SOX6: variants seen among roughly 807,000 people sequenced by gnomAD.
SOX6 encodes SRY-box transcription factor 6, also known as transcription factor SOX-6.
In SOX6, 11 loss-of-function variants were observed where a neutral mutation model predicts 97.8. The observed-to-expected ratio is 0.11, with a 90% CI of 0.07 to 0.19. SOX6 has a LOEUF of 0.19. Ranked by LOEUF, SOX6 falls within the 10% of genes least tolerant of loss-of-function variation. The pLI, the probability that SOX6 is intolerant of heterozygous loss-of-function variation, is 1.00. For synonymous variants in SOX6, 360 were observed against 371.4 expected (o/e 0.97, Z 0.35); for missense variants, 810 against 1,039.5 (o/e 0.78, Z 3.04).
At chr11:16,466,649 G>A (rs1317889980) in intron 1 of SOX6, among the ~76,000 whole-genome samples, 1 of 150,762 alleles carries the variant, frequency 6.6e-6, no homozygotes, top group African/African-American at 2.4e-5. Flanking sequence ...AAACAACTCC[G>A]GCCGGGCGCG....
At chr11:16,082,045 T>C (rs1441563619) in intron 9 of SOX6, among the ~76,000 whole-genome samples, 10 of 152,164 alleles carry the variant, frequency 6.6e-5, no homozygotes, top group Non-Finnish European at 1.5e-4. Context: ...TTTTATTCCT[T>C]TTTAAAACAG....
At chr11:16,642,383 C>A (rs1848932057) in intron 3 of SOX6, among the ~76,000 whole-genome samples, 1 of 152,064 alleles carries the variant, frequency 6.6e-6, no homozygotes, top group African/African-American at 2.4e-5. Context: ...GTGAATCTGA[C>A]AATTATGTGT....
intron 4 of SOX6, among the ~76,000 whole-genome samples, chr11:16,542,297 C>T (rs1374223758): frequency 1.3e-5 from 2 of 152,070 alleles, no homozygotes; most frequent in African/African-American, 4.8e-5. Flanking sequence ...GGGAACATCA[C>T]ACACTGGGGC....
intron 2 of SOX6, among the ~76,000 whole-genome samples, chr11:16,731,829 C>T (rs1051994423): frequency 6.6e-6 from 1 of 152,132 alleles, no homozygotes; most frequent in African/African-American, 2.4e-5. Flanking sequence ...AACATGATTG[C>T]ATATTTTGAA....
intron 9 of SOX6, among the ~76,000 whole-genome samples, chr11:16,065,545 T>C (rs2133935195): frequency 6.6e-6 from 1 of 152,082 alleles, no homozygotes; most frequent in Non-Finnish European, 1.5e-5. Flanking sequence ...AGCATAGTAC[T>C]GGCATAAAAA....
intron 7 of SOX6, among the ~76,000 whole-genome samples, chr11:16,101,280 A>G (rs1038916259): frequency 6.6e-6 from 1 of 151,662 alleles, no homozygotes; most frequent in Non-Finnish European, 1.5e-5. Context: ...GCGAAACCAC[A>G]CTGTAGTAAA....
chr11:16,722,198 C>T (rs1848272156), intron 2 of SOX6, among the ~76,000 whole-genome samples: 1 of 151,946 alleles, frequency 6.6e-6, no homozygotes, highest in Non-Finnish European at 1.5e-5. Flanking sequence ...AAATTCTACA[C>T]AGCGAAAAAA....
At chr11:16,080,692 G>A (rs1848454324) in intron 9 of SOX6, among the ~76,000 whole-genome samples, 1 of 152,140 alleles carries the variant, frequency 6.6e-6, no homozygotes, top group Non-Finnish European at 1.5e-5. Context: ...AAGATATGCT[G>A]TCTCACAGCA....
chr11:16,718,171 T>C (rs982839460), intron 2 of SOX6, among the ~76,000 whole-genome samples: 7 of 151,982 alleles, frequency 4.6e-5, no homozygotes, highest in Non-Finnish European at 1.0e-4. Flanking sequence ...ATTTCCTTTG[T>C]AGTCTTGAGT....
intron 6 of SOX6, among the ~76,000 whole-genome samples, chr11:16,176,622 T>C (rs1308403588): frequency 6.6e-6 from 1 of 151,930 alleles, no homozygotes; most frequent in East Asian, 1.9e-4. Context: ...TCTTGCCTTG[T>C]AGGTATATAC....
rs988469662 is a variant in SOX6 at position 16,610,765 on chromosome 11, G to A, written n.609+1316C>T. On this transcript the variant is annotated intron_variant and non_coding_transcript_variant, in intron 4 of 5. Coordinates refer to the SOX6 transcript ENST00000524520. The surrounding 1 kb of genome is among the most constrained non-coding windows in gnomAD (Gnocchi z 4.4). Reference sequence around the variant, plus strand: ...ATCTAAGGGTTTCCTCTAAAGCCTCGGGCGCTGGCTATACCAATGAAGAGG... The same window carrying A: ...ATCTAAGGGTTTCCTCTAAAGCCTCAGGCGCTGGCTATACCAATGAAGAGG... Among the ~76,000 whole-genome samples, 4 of 152,140 alleles carry A rather than the reference G, an allele frequency of 2.6e-5. No individual in the cohort carries two copies. The highest frequency in any genetic ancestry group is 7.2e-5 in the African/African-American group (3 of 41,424).
chr11:16,515,369 C>A (rs201580791), intron 4 of SOX6, among the ~76,000 whole-genome samples: 14 of 144,394 alleles, frequency 9.7e-5, no homozygotes, highest in East Asian at 2.0e-4. Context: ...CTGTTCATGT[C>A]CTTTGCCCAC....
At chr11:16,433,115 A>G (rs1189636176) in intron 1 of SOX6, among the ~76,000 whole-genome samples, 1 of 152,084 alleles carries the variant, frequency 6.6e-6, no homozygotes, top group East Asian at 1.9e-4. Context: ...TAGACTAACC[A>G]AAAACTTTAG....
chr11:16,044,436 T>G (rs748496464), intron 12 of SOX6, among the ~76,000 whole-genome samples: 6 of 152,168 alleles, frequency 3.9e-5, no homozygotes, highest in Non-Finnish European at 5.9e-5. Context: ...CATAATTCAT[T>G]TTCCAGTTTA....
At chr11:16,060,396 C>T (rs368466404) in intron 9 of SOX6, among the ~76,000 whole-genome samples, 1 of 151,806 alleles carries the variant, frequency 6.6e-6, no homozygotes, top group African/African-American at 2.4e-5. Context: ...GGAAGAGGTA[C>T]AGCCACATTC....
Position 16,722,995 on chromosome 11 carries a change from T to C in SOX6, n.354-8090A>G, listed in dbSNP as rs1371177020. On this transcript the variant is annotated intron_variant and non_coding_transcript_variant, in intron 2 of 5. Transcript: ENST00000524520. ...TACTGGGTATATACCCAAAGGAATA[T>C]AAATCACTCTACCATAAGACACACA... Among the ~76,000 whole-genome samples, 3 of 152,132 alleles carry C rather than the reference T, an allele frequency of 2.0e-5. No homozygotes were observed. In the East Asian group the frequency reaches 5.8e-4, roughly 29 times the overall value.
intron 12 of SOX6, among the ~76,000 whole-genome samples, chr11:16,017,556 G>T (rs1414614337): frequency 6.6e-6 from 1 of 151,964 alleles, no homozygotes; most frequent in Non-Finnish European, 1.5e-5. Context: ...ATATTTATTT[G>T]CCAGCCACAT....
intron 4 of SOX6, among the ~76,000 whole-genome samples, chr11:16,592,137 T>C (rs146428692): frequency 8.0e-4 from 121 of 152,024 alleles, no homozygotes; most frequent in African/African-American, 2.8e-3. Flanking sequence ...CATATGTACA[T>C]GTATTAGGGT....
At chr11:16,525,860 C>T (rs1861152770) in intron 4 of SOX6, among the ~76,000 whole-genome samples, 1 of 151,170 alleles carries the variant, frequency 6.6e-6, no homozygotes, top group Non-Finnish European at 1.5e-5. Flanking sequence ...GACATTTATG[C>T]AGCCAAAAGA....
Sources: allele counts gnomAD v4.1 joint callset (sites outside exome capture counted in the v4.1 genomes callset), GRCh38; gene constraint gnomAD v4.1.1; non-coding constraint Gnocchi (gnomAD v3.1); transcripts MANE v1.5; gene names NCBI Gene and HGNC (gene_info 2026-07-23, HGNC 2026-07-21).